Variants in AGAP1 observed in about 807,000 individuals in gnomAD.
AGAP1 encodes the protein ArfGAP with GTPase domain, ankyrin repeat and PH domain 1.
In AGAP1, 29 loss-of-function variants were observed where a neutral mutation model predicts 105.3. That is an observed-to-expected ratio of 0.28 (90% CI 0.21 to 0.38). AGAP1 has a LOEUF of 0.38. Ranked by LOEUF, AGAP1 falls within the 10% of genes least tolerant of loss-of-function variation. The pLI, the probability that AGAP1 is intolerant of heterozygous loss-of-function variation, is 1.00. For missense variants in AGAP1, 998 were observed against 1,165.1 expected (o/e 0.86, Z 2.09); for synonymous variants, 509 against 485.9 (o/e 1.05, Z -0.63).
intron 1 of AGAP1, among the ~76,000 whole-genome samples, chr2:235,698,087 C>G (rs1008410034): frequency 2.0e-5 from 3 of 152,102 alleles, no homozygotes; most frequent in African/African-American, 4.8e-5. Flanking sequence ...TGAAACTGTT[C>G]CAGCTCAGAT....
At chr2:235,766,960 C>T (rs1955010486) in intron 6 of AGAP1, among the ~76,000 whole-genome samples, 1 of 140,698 alleles carries the variant, frequency 7.1e-6, no homozygotes. Flanking sequence ...TTTGCCCAGG[C>T]TGGAGTTCAG....
chr2:235,570,353 G>A (rs190325028), intron 1 of AGAP1, among the ~76,000 whole-genome samples: 6 of 152,328 alleles, frequency 3.9e-5, no homozygotes, highest in African/African-American at 1.4e-4. Context: ...GAAAACAACA[G>A]ATTGCTTAAT....
chr2:236,093,779 C>G (rs1209603906), intron 16 of AGAP1, among the ~76,000 whole-genome samples: 2 of 121,906 alleles, frequency 1.6e-5, no homozygotes, highest in Non-Finnish European at 3.1e-5. Flanking sequence ...ATTGAAATCT[C>G]TCAAGTCTGA....
rs1943805101 is a variant in AGAP1 at position 235,551,428 on chromosome 2, C to T, written c.163+56579C>T. Among the ~76,000 whole-genome samples the T allele has an allele frequency of 6.6e-6, 1 of 152,130 alleles. No homozygotes were observed. Among genetic ancestry groups the T allele is most frequent in the African/African-American group, 2.4e-5 (1 of 41,424 alleles). On this transcript the variant is annotated intron_variant, in intron 1 of 17. Transcript: ENST00000304032. This position sits in a 1 kb window ranked among gnomAD's most constrained non-coding sequence, Gnocchi z 4.8. ...TCAGGTCGTCCTCCCAGCTCAGCCT[C>T]CCAAGTAGCTGGGACTACAGGTGCG...
At chr2:235,637,656 C>T (rs1947051283) in intron 1 of AGAP1, among the ~76,000 whole-genome samples, 1 of 151,982 alleles carries the variant, frequency 6.6e-6, no homozygotes, top group Non-Finnish European at 1.5e-5. Context: ...GAACTTTACA[C>T]ATAGGAAGAG....
intron 6 of AGAP1, among the ~76,000 whole-genome samples, chr2:235,766,653 C>A (rs905924371): frequency 6.6e-6 from 1 of 152,156 alleles, no homozygotes; most frequent in East Asian, 1.9e-4. Flanking sequence ...TTAAAGAATT[C>A]TACATTCTGT....
intron 16 of AGAP1, among the ~76,000 whole-genome samples, chr2:236,108,962 A>C (rs1188691154): frequency 6.6e-6 from 1 of 152,128 alleles, no homozygotes; most frequent in Admixed American, 6.5e-5. Flanking sequence ...CCAACCCATT[A>C]ACCTTATTAC....
chr2:235,747,408 CTG>C lies in AGAP1; in HGVS notation c.538+2570_538+2571del, dbSNP rs1360161043. On this transcript the variant is annotated intron_variant, in intron 5 of 17. Transcript: ENST00000304032. This position sits in a 1 kb window ranked among gnomAD's most constrained non-coding sequence, Gnocchi z 5.0. The stretch of plus-strand genomic sequence containing the variant: ...GTGTGTGCGTGTGCGAGGGTGGCCT[CTG>C]GGGTTGGGAGGTAAGTCAGCCCCAC... Among the ~76,000 whole-genome samples the C allele has an allele frequency of 6.6e-6, 1 of 152,170 alleles. No homozygotes were observed. Among genetic ancestry groups the C allele is most frequent in the African/African-American group, 2.4e-5 (1 of 41,450 alleles).
At chr2:235,894,633 G>GTACACACA (rs1559618369) in intron 10 of AGAP1, among the ~76,000 whole-genome samples, 2 of 147,042 alleles carry the variant, frequency 1.4e-5, no homozygotes, top group East Asian at 1.9e-4. Context: ...ACATGCACAT[G>GTACACACA]TACACACACA....
At chr2:235,925,159 C>T in intron 11 of AGAP1, among the ~76,000 whole-genome samples, 1 of 152,118 alleles carries the variant, frequency 6.6e-6, no homozygotes, top group East Asian at 1.9e-4. Context: ...TCCTTTAAGA[C>T]CCTTGTATTT....
At chr2:235,515,621 G>GA (rs1327958552) in intron 1 of AGAP1, among the ~76,000 whole-genome samples, 6 of 152,110 alleles carry the variant, frequency 3.9e-5, no homozygotes. Context: ...TAATTTTGCG[G>GA]AAAAAAGTCT....
At chr2:235,576,579 G>T (rs1304158833) in intron 1 of AGAP1, among the ~76,000 whole-genome samples, 1 of 152,222 alleles carries the variant, frequency 6.6e-6, no homozygotes, top group East Asian at 1.9e-4. Context: ...GTTGACTGCA[G>T]TGTTCCCAAG....
At position 235,736,577 on chromosome 2, in the gene AGAP1, T is replaced by C. The variant is rs998074312; in HGVS notation, c.311-4386T>C. Among the ~76,000 whole-genome samples the C allele has an allele frequency of 6.6e-6, 1 of 152,212 alleles. No homozygotes were observed. The highest frequency in any genetic ancestry group is 6.5e-5 in the Admixed American group (1 of 15,290). On this transcript the variant is annotated intron_variant, in intron 3 of 17. Coordinates refer to ENST00000304032, the MANE Select transcript of AGAP1 (RefSeq NM_001037131.3). The surrounding 1 kb of genome is among the most constrained non-coding windows in gnomAD (Gnocchi z 5.5). ...AAACTGGATGTAAAATTTGATGGTA[T>C]CCTCTAAAATTCTGGTGGAAAAAAG...
rs116132515 is a variant in AGAP1, at chr2:235,704,658, C to T, written c.164-4521C>T. ...AGACTCCGTCTCAAAAAAGAAATGC[C>T]GATTTGAAGGTTCTGATTTCCAGAG... On this transcript the variant is annotated intron_variant, in intron 1 of 17. Transcript: ENST00000304032. Among the ~76,000 whole-genome samples the T allele has an allele frequency of 8.5e-3, 1,296 of 152,246 alleles. 20 individuals are homozygous for T. The highest frequency in any genetic ancestry group is 0.03 in the African/African-American group (1,240 of 41,528).
At chr2:235,785,801 G>A (rs981306684) in intron 6 of AGAP1, among the ~76,000 whole-genome samples, 5 of 152,042 alleles carry the variant, frequency 3.3e-5, no homozygotes, top group South Asian at 2.1e-4. Context: ...ATAGTTTATC[G>A]TATTCCTTTG....
rs1373079648 is a variant in AGAP1, at chr2:235,900,120, C to G, written c.1156-8618C>G. Among the ~76,000 whole-genome samples, 1 of 152,202 alleles carries G rather than the reference C, an allele frequency of 6.6e-6. No homozygotes were observed. Among genetic ancestry groups the G allele is most frequent in the Non-Finnish European group, 1.5e-5 (1 of 68,040 alleles). ...TCTCCACTGTACATGAAGCTGCCAC[C>G]ACTGGTCCCCAACAAGGCCTCACCA... On this transcript the variant is annotated intron_variant, in intron 10 of 17. Transcript: ENST00000304032. This position sits in a 1 kb window ranked among gnomAD's most constrained non-coding sequence, Gnocchi z 5.5.
rs931090444 is a variant in AGAP1 at position 236,120,686 on chromosome 2, A to G, written c.2370+239A>G. ...GCAACTTTGTGATTGCCCCTTATCA[A>G]GCAGGGTTGGTGCTATCCCTCTTTT... On this transcript the variant is annotated intron_variant, in intron 17 of 17. Transcript: ENST00000304032. This position sits in a 1 kb window ranked among gnomAD's most constrained non-coding sequence, Gnocchi z 6.0. 6.6e-6 allele frequency among the ~76,000 whole-genome samples: 1 copy of G among 152,216 alleles called. No homozygotes were observed. The highest frequency in any genetic ancestry group is 1.5e-5 in the Non-Finnish European group (1 of 68,044).
chr2:235,870,043 A>G (rs755724400), intron 9 of AGAP1, among the ~76,000 whole-genome samples: 1 of 152,212 alleles, frequency 6.6e-6, no homozygotes, highest in African/African-American at 2.4e-5. Context: ...CACACAGGAT[A>G]TGAGCACCAC....
At chr2:235,917,853 C>T (rs572698167) in intron 11 of AGAP1, among the ~76,000 whole-genome samples, 40 of 152,128 alleles carry the variant, frequency 2.6e-4, no homozygotes, top group Admixed American at 1.6e-3. Context: ...TTGTGTGGCC[C>T]GCAGAGGCTG....
Sources: gnomAD v4.1 joint callset for allele counts (sites outside exome capture counted in the v4.1 genomes callset) on GRCh38, gnomAD v4.1.1 for gene constraint, Gnocchi (gnomAD v3.1) non-coding constraint, MANE v1.5 for transcripts, NCBI Gene and HGNC (gene_info 2026-07-23, HGNC 2026-07-21) for gene names.